The following DNAH12 variants were observed in gnomAD, a reference collection of about 807,000 sequenced individuals.
DNAH12 encodes dynein axonemal heavy chain 12, also known as axonemal beta dynein heavy chain 12.
A neutral mutation model predicts 371.5 loss-of-function variants in DNAH12; 285 were observed. The ratio of observed to expected loss-of-function variants is 0.77; its 90% CI spans 0.70 to 0.85. DNAH12 has a LOEUF of 0.85. DNAH12 is among the 40% of genes least tolerant of loss of function. The pLI is 0.00. For missense variants in DNAH12, 3,611 were observed against 3,689.4 expected, an observed-to-expected ratio of 0.98 and a Z score of 0.55; for synonymous variants, 1,200 against 1,213.0, an observed-to-expected ratio of 0.99 and a Z score of 0.22.
chr3:57,303,553 A>T (rs2061408040), intron 69 of DNAH12, among the ~76,000 whole-genome samples: 1 of 151,796 alleles, frequency 6.6e-6, no homozygotes, highest in African/African-American at 2.4e-5. Flanking sequence ...CTGAGACTAC[A>T]GGTGCCCGCT....
intron 57 of DNAH12, among the ~76,000 whole-genome samples, chr3:57,365,720 CTT>C (rs1377779270): frequency 6.6e-6 from 1 of 151,818 alleles, no homozygotes; most frequent in Non-Finnish European, 1.5e-5. Flanking sequence ...CCTTTCCAAT[CTT>C]TTTTTATTCT....
chr3:57,307,458 G>A (rs191643479), intron 69 of DNAH12, among the ~76,000 whole-genome samples: 178 of 152,198 alleles, frequency 1.2e-3, no homozygotes, highest in African/African-American at 3.3e-3. Context: ...CTGCGACTGC[G>A]CCCTGTAGCC....
chr3:57,352,609 C>G (rs1489075062), intron 59 of DNAH12, among the ~76,000 whole-genome samples: 1 of 151,492 alleles, frequency 6.6e-6, no homozygotes, highest in Non-Finnish European at 1.5e-5. Flanking sequence ...TTTCCAAATC[C>G]TAAATATCTT....
chr3:57,485,367 G>A (rs73078582), intron 12 of DNAH12, among the ~76,000 whole-genome samples: 8,739 of 151,954 alleles, frequency 0.058, 365 homozygotes, highest in Non-Finnish European at 0.092. Context: ...ATGAAATAAT[G>A]TCCTTTGCTG....
chr3:57,474,074 T>G (rs7649039), intron 13 of DNAH12, among the ~76,000 whole-genome samples: 101,555 of 151,886 alleles, frequency 0.67, 34,202 homozygotes, highest in South Asian at 0.75. Flanking sequence ...GGGATAAAGA[T>G]GGGAAATCTG....
At chr3:57,389,798 ATGTGTGTG>A (rs1211815764) in intron 45 of DNAH12, among the ~76,000 whole-genome samples, 6 of 92,600 alleles carry the variant, frequency 6.5e-5, no homozygotes, top group African/African-American at 1.0e-4. Flanking sequence ...ATATACACAT[ATGTGTGTG>A]TGTGTGTGTG....
At chr3:57,426,900 T>C (rs9825680) in intron 34 of DNAH12, among the ~76,000 whole-genome samples, 83,990 of 150,752 alleles carry the variant, frequency 0.56, 24,727 homozygotes, top group African/African-American at 0.76. Context: ...TTACTCATTA[T>C]GTGGAAAGGT....
At chr3:57,469,365 A>T (rs556671424) in intron 16 of DNAH12, among the ~76,000 whole-genome samples, 1 of 152,310 alleles carries the variant, frequency 6.6e-6, no homozygotes, top group Admixed American at 6.5e-5. Context: ...ATGCTTATAC[A>T]CTGTTGCACT....
Position 57,296,412 on chromosome 3 carries a change from G to A in DNAH12, c.11556C>T (p.Asp3852=), listed in dbSNP as rs1331590576. Residue 3852 remains aspartate, a synonymous_variant, in exon 72 of 74, where the codon GAC becomes GAT. Coordinates refer to ENST00000495027, the MANE Select transcript of DNAH12 (RefSeq NM_001366028.2). ...EFEVIPSDTS[D]TSPEDGVYIH... ...TATAAACACCATCTTCTGGTGATGT[G>A]TCAGATGTATCAGATGGGATAACCT... 3 of 1,550,812 alleles carry A rather than the reference G, an allele frequency of 1.9e-6. No individual in the cohort carries two copies. In the African/African-American group the frequency reaches 4.1e-5, roughly 21 times the overall value.
At chr3:57,423,797 T>C (rs1402821561) in intron 35 of DNAH12, among the ~76,000 whole-genome samples, 1 of 152,154 alleles carries the variant, frequency 6.6e-6, no homozygotes, top group Non-Finnish European at 1.5e-5. Flanking sequence ...TCCACCTAGC[T>C]GGCTGGATGC....
chr3:57,544,442 A>C (rs1377913532), upstream of DNAH12: 1 of 152,244 alleles, frequency 6.6e-6, no homozygotes, highest in Non-Finnish European at 1.5e-5. Context: ...GCAGTTGCCA[A>C]GCTGCAAGGG....
intron 62 of DNAH12, among the ~76,000 whole-genome samples, chr3:57,331,849 C>A (rs1240278029): frequency 6.6e-6 from 1 of 152,050 alleles, no homozygotes; most frequent in African/African-American, 2.4e-5. Context: ...GTGAGAGTCC[C>A]CTACCCTCTA....
intron 4 of DNAH12, among the ~76,000 whole-genome samples, chr3:57,511,705 G>GTA (rs1311652450): frequency 6.6e-6 from 1 of 152,180 alleles, no homozygotes; most frequent in Admixed American, 6.5e-5. Context: ...AAAGCCTGGT[G>GTA]TAGCACAGGT....
chr3:57,437,538 G>T (rs2065167366), intron 29 of DNAH12, among the ~76,000 whole-genome samples: 1 of 152,232 alleles, frequency 6.6e-6, no homozygotes, highest in South Asian at 2.1e-4. Context: ...CAAAGCAACA[G>T]CTGTTTTCAC....
At chr3:57,359,422 G>A (rs2062870797) in intron 58 of DNAH12, among the ~76,000 whole-genome samples, 1 of 151,776 alleles carries the variant, frequency 6.6e-6, no homozygotes, top group Admixed American at 6.6e-5. Flanking sequence ...AGCCGGACGT[G>A]GTGGCGCATG....
intron 29 of DNAH12, among the ~76,000 whole-genome samples, chr3:57,441,586 G>C (rs2065306241): frequency 6.6e-6 from 1 of 152,106 alleles, no homozygotes. Flanking sequence ...TGAGCCCAGA[G>C]CTTGATACCA....
At position 57,523,372 on chromosome 3, in the gene DNAH12, G is replaced by A. The variant is rs141908440; in HGVS notation, c.279+211C>T. 4.3e-3 allele frequency among the ~76,000 whole-genome samples: 654 copies of A among 152,158 alleles called. 7 individuals are homozygous for A. The highest frequency in any genetic ancestry group is 0.015 in the African/African-American group (633 of 41,494). Reference sequence around the variant, plus strand: ...CCCTCCAGCCTTGGTGACAGAGCAAGACCTTGTTTAAAACAAAAAAACAAA... The same window carrying A: ...CCCTCCAGCCTTGGTGACAGAGCAAAACCTTGTTTAAAACAAAAAAACAAA... On this transcript the variant is annotated intron_variant, in intron 4 of 73. Coordinates refer to ENST00000495027, the MANE Select transcript of DNAH12 (RefSeq NM_001366028.2).
Position 57,323,527 on chromosome 3 carries a change from A to T in DNAH12, c.10071T>A (p.Asp3357Glu), listed in dbSNP as rs1430931987. ...PPFDLTKSYL[D>E]SNCTIPLIFV... ...AAATTAAGGGAATGGTGCAATTTGA[A>T]TCCAAGTAACTCTTTGTCAAATCAA... is the stretch of plus-strand genomic sequence containing the variant. The change falls in exon 63 of 74, where the codon GAT becomes GAA. Residue 3357 changes from aspartate (D) to glutamate (E), a missense_variant. Around this residue, in one of 3 missense-constraint regions of DNAH12, gnomAD observed 2,266 missense variants for 2,236.9 expected, o/e 1.01. Coordinates refer to ENST00000495027, the MANE Select transcript of DNAH12 (RefSeq NM_001366028.2). The T allele has an allele frequency of 6.4e-7, 1 of 1,550,984 alleles. No homozygotes were observed. Among genetic ancestry groups the T allele is most frequent in the Admixed American group, 2.0e-5 (1 of 50,814 alleles).
intron 43 of DNAH12, among the ~76,000 whole-genome samples, chr3:57,399,951 T>C (rs2063823038): frequency 6.6e-6 from 1 of 152,230 alleles, no homozygotes; most frequent in African/African-American, 2.4e-5. Context: ...GTAAGGCTTC[T>C]GGTCAACACT....
Sources: gnomAD v4.1 joint callset for allele counts (sites outside exome capture counted in the v4.1 genomes callset) on GRCh38, gnomAD v4.1.1 for gene constraint, gnomAD v4.1.1 regional missense constraint, MANE v1.5 for transcripts, NCBI Gene and HGNC (gene_info 2026-07-23, HGNC 2026-07-21) for gene names.